Variants in RPS6KA2 observed in about 807,000 individuals in gnomAD.
RPS6KA2 encodes ribosomal protein S6 kinase A2, also known as ribosomal protein S6 kinase alpha-2.
RPS6KA2 carries 42 observed loss-of-function variants against 91.8 expected under a neutral mutation model. The ratio of observed to expected loss-of-function variants is 0.46; its 90% confidence interval spans 0.36 to 0.59. The LOEUF is 0.59. Ranked by LOEUF, RPS6KA2 falls within the 20% of genes least tolerant of loss-of-function variation. The pLI, the probability that RPS6KA2 is intolerant of heterozygous loss-of-function variation, is 0.00. For synonymous variants in RPS6KA2, 414 were observed against 393.6 expected, an observed-to-expected ratio of 1.05 and a Z score of -0.61; for missense variants, 798 against 978.5, an observed-to-expected ratio of 0.82 and a Z score of 2.46.
upstream of RPS6KA2, among the ~76,000 whole-genome samples, chr6:166,629,449 A>G (rs1387699439): frequency 1.3e-5 from 2 of 152,252 alleles, no homozygotes; most frequent in African/African-American, 4.8e-5. Context: ...AAAATCATTC[A>G]GATTTCACTG....
At chr6:166,760,747 C>T (rs779051147) in intron 2 of RPS6KA2, among the ~76,000 whole-genome samples, 1 of 152,184 alleles carries the variant, frequency 6.6e-6, no homozygotes, top group Non-Finnish European at 1.5e-5. Flanking sequence ...AAAGAAGAAT[C>T]GGATGGGGGA....
At chr6:166,545,351 C>G (rs1327388017) in intron 1 of RPS6KA2, among the ~76,000 whole-genome samples, 1 of 152,212 alleles carries the variant, frequency 6.6e-6, no homozygotes, top group East Asian at 1.9e-4. Context: ...AGAGTGGTCA[C>G]TGCAGTCACC....
intron 2 of RPS6KA2, among the ~76,000 whole-genome samples, chr6:166,845,522 C>A (rs975605384): frequency 6.6e-6 from 1 of 152,118 alleles, no homozygotes; most frequent in Non-Finnish European, 1.5e-5. Flanking sequence ...TCTCTCAGAC[C>A]ACAGTGGAAT....
chr6:166,818,883 C>T (rs890163930), intron 2 of RPS6KA2, among the ~76,000 whole-genome samples: 3 of 151,990 alleles, frequency 2.0e-5, no homozygotes, highest in Non-Finnish European at 4.4e-5. Flanking sequence ...CAAAATACCC[C>T]AGGCTCATCT....
At chr6:166,647,907 C>T (rs1187702092) in intron 2 of RPS6KA2, among the ~76,000 whole-genome samples, 1 of 150,946 alleles carries the variant, frequency 6.6e-6, no homozygotes, top group Non-Finnish European at 1.5e-5. Flanking sequence ...CATGCTCACA[C>T]ACATGCACAT....
At chr6:166,845,733 T>C (rs1290016550) in intron 2 of RPS6KA2, among the ~76,000 whole-genome samples, 1 of 152,052 alleles carries the variant, frequency 6.6e-6, no homozygotes, top group East Asian at 1.9e-4. Flanking sequence ...GGGAAGTTCA[T>C]AGCATTAAAT....
At chr6:166,824,383 C>T (rs1779981858) in intron 2 of RPS6KA2, among the ~76,000 whole-genome samples, 1 of 152,230 alleles carries the variant, frequency 6.6e-6, no homozygotes, top group African/African-American at 2.4e-5. Flanking sequence ...CCCGGCACTG[C>T]CTCAGCAGGT....
rs547111616 is a variant in RPS6KA2 at position 166,563,480 on chromosome 6, C to T, written c.100-24696G>A. 5.9e-5 allele frequency among the ~76,000 whole-genome samples: 9 copies of T among 152,040 alleles called. No individual in the cohort carries two copies. In the South Asian group the frequency reaches 1.9e-3, roughly 32 times the overall value. Reference sequence around the variant, plus strand: ...TGCCCCCTGCCACCCCCAGGGGCTGCGGCTCCCCCAGATGCCCAGCCTCAG... The same window carrying T: ...TGCCCCCTGCCACCCCCAGGGGCTGTGGCTCCCCCAGATGCCCAGCCTCAG... On this transcript the variant is annotated intron_variant, in intron 1 of 20. Coordinates refer to ENST00000265678, the MANE Select transcript of RPS6KA2 (RefSeq NM_021135.6). This position sits in a 1 kb window ranked among gnomAD's most constrained non-coding sequence, Gnocchi z 4.1.
chr6:166,535,292 T>G (rs1458714930), intron 2 of RPS6KA2, among the ~76,000 whole-genome samples: 1 of 152,108 alleles, frequency 6.6e-6, no homozygotes, highest in Admixed American at 6.5e-5. Flanking sequence ...AATTCTCAGC[T>G]CTCTCTCAGA....
intron 1 of RPS6KA2, among the ~76,000 whole-genome samples, chr6:166,568,264 G>A (rs1207404067): frequency 2.0e-5 from 3 of 152,192 alleles, no homozygotes; most frequent in Non-Finnish European, 4.4e-5. Flanking sequence ...ATCCACAGAA[G>A]CCATGTTAAG....
At chr6:166,800,709 G>A (rs373412914) in intron 2 of RPS6KA2, among the ~76,000 whole-genome samples, 5 of 152,260 alleles carry the variant, frequency 3.3e-5, no homozygotes, top group African/African-American at 1.2e-4. Flanking sequence ...CTGGTCTAGG[G>A]TATTTTGTTA....
intron 1 of RPS6KA2, among the ~76,000 whole-genome samples, chr6:166,594,315 T>C (rs1785459271): frequency 6.6e-6 from 1 of 152,140 alleles, no homozygotes; most frequent in Non-Finnish European, 1.5e-5. Flanking sequence ...AAGTAGAAAA[T>C]GTTAAATAAT....
At chr6:166,555,486 C>T (rs1784150569) in intron 1 of RPS6KA2, among the ~76,000 whole-genome samples, 1 of 152,158 alleles carries the variant, frequency 6.6e-6, no homozygotes, top group Non-Finnish European at 1.5e-5. Context: ...ACGAAGTCAC[C>T]CTGTACTCTT....
At chr6:166,759,066 C>T (rs1778098465) in intron 2 of RPS6KA2, among the ~76,000 whole-genome samples, 1 of 151,478 alleles carries the variant, frequency 6.6e-6, no homozygotes, top group East Asian at 1.9e-4. Flanking sequence ...ATGTTGCATT[C>T]GTGTGTGTGT....
intron 10 of RPS6KA2, among the ~76,000 whole-genome samples, chr6:166,471,300 C>A (rs1235988049): frequency 6.6e-6 from 1 of 152,220 alleles, no homozygotes; most frequent in East Asian, 1.9e-4. Context: ...CCATCGTTGG[C>A]TGGAACTGCC....
chr6:166,649,932 A>G (rs531958336), intron 2 of RPS6KA2, among the ~76,000 whole-genome samples: 1 of 152,294 alleles, frequency 6.6e-6, no homozygotes, highest in African/African-American at 2.4e-5. Context: ...CATGCCCAAC[A>G]TGATCTCGAT....
At chr6:166,594,579 C>T (rs1785472900) in intron 1 of RPS6KA2, among the ~76,000 whole-genome samples, 1 of 152,202 alleles carries the variant, frequency 6.6e-6, no homozygotes, top group Non-Finnish European at 1.5e-5. Context: ...TCTCCTGCCT[C>T]AGCCTCCCCA....
intron 2 of RPS6KA2, among the ~76,000 whole-genome samples, chr6:166,681,196 A>G (rs1169102120): frequency 6.6e-6 from 1 of 152,202 alleles, no homozygotes; most frequent in African/African-American, 2.4e-5. Context: ...GGATGTACCA[A>G]AACTGCAGGT....
At chr6:166,763,451 G>A (rs904990192) in intron 2 of RPS6KA2, among the ~76,000 whole-genome samples, 1 of 152,190 alleles carries the variant, frequency 6.6e-6, no homozygotes, top group African/African-American at 2.4e-5. Context: ...GCTCTTATCT[G>A]TAAAATGGGA....
Sources: gnomAD v4.1 joint callset for allele counts (sites outside exome capture counted in the v4.1 genomes callset) on GRCh38, gnomAD v4.1.1 for gene constraint, Gnocchi (gnomAD v3.1) non-coding constraint, MANE v1.5 for transcripts, NCBI Gene and HGNC (gene_info 2026-07-23, HGNC 2026-07-21) for gene names.